Variants in MCPH1 observed in about 807,000 individuals in gnomAD.
MCPH1 encodes microcephalin 1.
Under a neutral mutation model 84.5 loss-of-function variants are expected in MCPH1, and 104 were observed. The ratio of observed to expected loss-of-function variants is 1.23; its 90% CI spans 1.05 to 1.45. The LOEUF (loss-of-function observed/expected upper bound fraction) is 1.45, where lower values mean the gene tolerates loss of function less well. MCPH1 is among the 40% of genes most tolerant of loss of function. MCPH1 has a pLI of 0.00. For synonymous variants in MCPH1, 514 were observed against 366.8 expected, an observed-to-expected ratio of 1.40 and a Z score of -4.58; for missense variants, 1,498 against 1,005.7, an observed-to-expected ratio of 1.49 and a Z score of -6.62.
At chr8:6,536,735 A>C (rs961106246) in intron 12 of MCPH1, among the ~76,000 whole-genome samples, 2 of 152,192 alleles carry the variant, frequency 1.3e-5, no homozygotes, top group Non-Finnish European at 2.9e-5. Context: ...CGTATCAAGG[A>C]TAATGAGAAC....
intron 12 of MCPH1, among the ~76,000 whole-genome samples, chr8:6,557,797 G>C (rs1433668853): frequency 1.3e-5 from 2 of 152,006 alleles, no homozygotes; most frequent in African/African-American, 2.4e-5. Flanking sequence ...ATTGTGAACA[G>C]CTAATTGGAA....
chr8:6,460,056 T>C (rs1415790144), intron 9 of MCPH1, among the ~76,000 whole-genome samples: 1 of 152,172 alleles, frequency 6.6e-6, no homozygotes, highest in African/African-American at 2.4e-5. Context: ...GGTATTGTTT[T>C]TGTTGTTTAT....
At chr8:6,421,682 C>T (rs1563182924) in intron 3 of MCPH1, among the ~76,000 whole-genome samples, 1 of 152,190 alleles carries the variant, frequency 6.6e-6, no homozygotes, top group Non-Finnish European at 1.5e-5. Context: ...CTCTGTACTA[C>T]AGCTGTAGAT....
rs1798042052 is a variant in MCPH1 at position 6,643,113 on chromosome 8, T to A, written c.*64T>A. 3 of 1,390,046 alleles carry A rather than the reference T, an allele frequency of 2.2e-6. No individual in the cohort carries two copies. The highest frequency in any genetic ancestry group is 3.1e-6 in the Non-Finnish European group (3 of 978,312). 86.1% of individuals were successfully genotyped at this position (1,390,046 alleles called of 1,614,324 possible). A position where few individuals can be genotyped will look rare whatever the true frequency, so the allele number is the denominator to read the frequency against. On this transcript the variant is annotated 3_prime_UTR_variant, in exon 14 of 14. Coordinates refer to ENST00000344683, the MANE Select transcript of MCPH1 (RefSeq NM_024596.5). ...GCAAAACTGTCTTTGGATGTTCAAA[T>A]GAGAAACAAAACTGTGAAGAGAAGG...
At position 6,572,783 on chromosome 8, in the gene MCPH1, G is replaced by C. The variant is rs2129576545; in HGVS notation, c.2215-48671G>C. Among the ~76,000 whole-genome samples the C allele has an allele frequency of 2.0e-5, 3 of 152,322 alleles. No homozygotes were observed. In the South Asian group the frequency reaches 6.2e-4, roughly 32 times the overall value. ...CCCCAAGCTTACAGTCTAACGAGGT[G>C]AACAGATGTCCCATCTGGATGCACA... On this transcript the variant is annotated intron_variant, in intron 12 of 13. Coordinates refer to ENST00000344683, the MANE Select transcript of MCPH1 (RefSeq NM_024596.5).
chr8:6,506,358 T>C (rs1331054852), intron 12 of MCPH1, among the ~76,000 whole-genome samples: 1 of 152,148 alleles, frequency 6.6e-6, no homozygotes, highest in Non-Finnish European at 1.5e-5. Context: ...CTCCACTTTC[T>C]CTCTTGGGCT....
At chr8:6,521,296 A>G (rs528403055) in intron 12 of MCPH1, 45 of 1,613,834 alleles carry the variant, frequency 2.8e-5, no homozygotes, top group Non-Finnish European at 1.5e-5. Context: ...CTAGTTCTTC[A>G]ATGATGGAAT....
At chr8:6,453,752 C>T (rs1805359390) in intron 8 of MCPH1, among the ~76,000 whole-genome samples, 1 of 152,124 alleles carries the variant, frequency 6.6e-6, no homozygotes, top group South Asian at 2.1e-4. Flanking sequence ...CATTCATGTT[C>T]TACCCCGGGG....
chr8:6,461,029 G>C (rs1399516871), intron 9 of MCPH1, among the ~76,000 whole-genome samples: 1 of 152,118 alleles, frequency 6.6e-6, no homozygotes, highest in Non-Finnish European at 1.5e-5. Flanking sequence ...GCTTCTCTGA[G>C]AAGACAGCAG....
At chr8:6,478,757 A>G (rs919571594) in intron 10 of MCPH1, among the ~76,000 whole-genome samples, 5 of 151,672 alleles carry the variant, frequency 3.3e-5, no homozygotes, top group African/African-American at 1.2e-4. Flanking sequence ...TTCTTTTATC[A>G]TTTTTGCCTT....
At chr8:6,566,328 G>A (rs1381895143) in intron 12 of MCPH1, among the ~76,000 whole-genome samples, 2 of 152,244 alleles carry the variant, frequency 1.3e-5, no homozygotes, top group Non-Finnish European at 2.9e-5. Context: ...AGTGCACGCG[G>A]TGTGGTGACC....
rs536897692 is a variant in MCPH1, at chr8:6,566,987, A to T, written c.2215-54467A>T. On this transcript the variant is annotated intron_variant, in intron 12 of 13. Transcript: ENST00000344683. ...CATGGATAGTACACGCGGTGCGGTGACGGTGTGTGATCGGCAAGGCCATAG... is the reference window on the plus strand; with the variant it reads ...CATGGATAGTACACGCGGTGCGGTGTCGGTGTGTGATCGGCAAGGCCATAG... Among the ~76,000 whole-genome samples the T allele has an allele frequency of 1.5e-5, 2 of 133,332 alleles. 1 individual carries two copies. 87.5% of individuals were successfully genotyped at this position (133,332 alleles called of 152,430 possible). A position where few individuals can be genotyped will look rare whatever the true frequency, so the allele number is the denominator to read the frequency against.
chr8:6,454,951 G>T (rs1397678323), intron 8 of MCPH1, among the ~76,000 whole-genome samples, 192 bp from the exon 9 acceptor site: 1 of 152,200 alleles, frequency 6.6e-6, no homozygotes, highest in Non-Finnish European at 1.5e-5. Context: ...TGAATTAAGT[G>T]AATTGCTTGG....
rs542546738 is a variant in MCPH1, at chr8:6,571,893, A to G, written c.2215-49561A>G. Among the ~76,000 whole-genome samples, 97 of 152,294 alleles carry G rather than the reference A, an allele frequency of 6.4e-4. 1 individual carries two copies. Among genetic ancestry groups the G allele is most frequent in the African/African-American group, 2.0e-3 (84 of 41,568 alleles). ...TGATGTTTGCTTGAAGTATATAAAA[A>G]TATTCCTTGTCACTCTTGTCCCCTC... On this transcript the variant is annotated intron_variant, in intron 12 of 13. Coordinates refer to ENST00000344683, the MANE Select transcript of MCPH1 (RefSeq NM_024596.5).
At chr8:6,448,116 A>C (rs1241038372) in intron 8 of MCPH1, among the ~76,000 whole-genome samples, 1 of 152,188 alleles carries the variant, frequency 6.6e-6, no homozygotes, top group Non-Finnish European at 1.5e-5. Context: ...GAGGAAGACA[A>C]ATAGTAAATA....
At chr8:6,498,436 A>T (rs1275356423) in intron 11 of MCPH1, among the ~76,000 whole-genome samples, 1 of 152,220 alleles carries the variant, frequency 6.6e-6, no homozygotes, top group Non-Finnish European at 1.5e-5. Context: ...ATCTCTATGC[A>T]ATATTAATTC....
intron 13 of MCPH1, among the ~76,000 whole-genome samples, chr8:6,639,638 G>C (rs1769988446): frequency 6.6e-6 from 1 of 151,466 alleles, no homozygotes; most frequent in East Asian, 1.9e-4. Context: ...ACTCCAGTCT[G>C]GGCAATGGAT....
intron 12 of MCPH1, among the ~76,000 whole-genome samples, chr8:6,583,204 A>G (rs2442585): frequency 0.19 from 28,324 of 151,086 alleles, 3,348 homozygotes; most frequent in Non-Finnish European, 0.27. Flanking sequence ...TGCTTTATTT[A>G]ATACTTTGAA....
At chr8:6,641,403 T>C (rs1454942166) in intron 13 of MCPH1, among the ~76,000 whole-genome samples, 2 of 152,152 alleles carry the variant, frequency 1.3e-5, no homozygotes, top group African/African-American at 2.4e-5. Flanking sequence ...TTGATATAAT[T>C]TGAATACATA....
Sources: allele counts gnomAD v4.1 joint callset (sites outside exome capture counted in the v4.1 genomes callset), GRCh38; gene constraint gnomAD v4.1.1; transcripts MANE v1.5; gene names NCBI Gene and HGNC (gene_info 2026-07-23, HGNC 2026-07-21).